The following PIK3CD variants were observed in gnomAD, a reference collection of about 807,000 sequenced individuals.
PIK3CD encodes the protein phosphatidylinositol-4,5-bisphosphate 3-kinase catalytic subunit delta.
A neutral mutation model predicts 122.9 loss-of-function variants in PIK3CD; 20 were observed. That is an observed-to-expected ratio of 0.16 (90% CI 0.11 to 0.24). The LOEUF is 0.24. Ranked by LOEUF, PIK3CD falls within the 10% of genes least tolerant of loss-of-function variation. The probability of loss-of-function intolerance (pLI) is 1.00; values close to 1 mark genes in which losing one functional copy is unlikely to be tolerated. For missense variants in PIK3CD, 787 were observed against 1,406.3 expected, an observed-to-expected ratio of 0.56 and a Z score of 7.04; for synonymous variants, 596 against 593.4, an observed-to-expected ratio of 1.00 and a Z score of -0.06.
chr1:9,638,775 A>G, the PIK3CD span, among the ~76,000 whole-genome samples: 1 of 141,216 alleles, frequency 7.1e-6, no homozygotes. Context: ...CCCTTTTGCA[A>G]GATTTTTTTT....
intron 1 of PIK3CD, among the ~76,000 whole-genome samples, chr1:9,676,668 G>C (rs1645550471): frequency 6.6e-6 from 1 of 152,194 alleles, no homozygotes; most frequent in South Asian, 2.1e-4. Flanking sequence ...GTGGTAAAGA[G>C]CAGGCTCCAG....
intron 5 of PIK3CD, 138 bp from the exon 6 acceptor site, chr1:9,716,302 T>C (rs1047106823): frequency 1.1e-6 from 1 of 913,668 alleles, no homozygotes; most frequent in South Asian, 1.4e-5. Context: ...GTTTGTTCAT[T>C]CTTTGAACAA....
intron 1 of PIK3CD, among the ~76,000 whole-genome samples, chr1:9,678,327 A>G (rs897251852): frequency 1.3e-5 from 2 of 151,348 alleles, no homozygotes; most frequent in Admixed American, 1.3e-4. Context: ...ATGGTGGCAC[A>G]CACCTCTAGT....
In PIK3CD at chr1:9,718,541, C is replaced by T. The variant is rs1252403884; in HGVS notation, c.1021-153C>T. Among the ~76,000 whole-genome samples, 3 of 152,068 alleles carry T rather than the reference C, an allele frequency of 2.0e-5. No individual in the cohort carries two copies. Among genetic ancestry groups the T allele is most frequent in the African/African-American group, 7.2e-5 (3 of 41,402 alleles). On this transcript the variant is annotated intron_variant, in intron 8 of 23. Transcript: ENST00000377346. This position sits in a 1 kb window ranked among gnomAD's most constrained non-coding sequence, Gnocchi z 7.2. The stretch of plus-strand genomic sequence containing the variant: ...TCACCCCAGGGCCGCTCATGCCCCT[C>T]AGGCCTTCCCTGTGCTGCACCACCT...
rs536543685 is a variant in PIK3CD at position 9,689,262 on chromosome 1, C to T, written c.-137-2205C>T. Among the ~76,000 whole-genome samples the T allele has an allele frequency of 1.1e-3, 173 of 152,312 alleles. 2 individuals carry two copies. Among genetic ancestry groups the T allele is most frequent in the African/African-American group, 4.0e-3 (168 of 41,576 alleles). On this transcript the variant is annotated intron_variant, in intron 1 of 23. Coordinates refer to ENST00000377346, the MANE Select transcript of PIK3CD (RefSeq NM_005026.5). The surrounding 1 kb of genome is among the most constrained non-coding windows in gnomAD (Gnocchi z 6.1). ...GCGTGCGCGCGCCGTCGGGGTCCCG[C>T]GGCTGCTCTGGGGCTCAGGGTGCGA...
rs1422827130 is a variant in PIK3CD, at chr1:9,724,471, G to C, written c.2864+50G>C. 6.2e-7 allele frequency: 1 copy of C among 1,608,092 alleles called. No homozygotes were observed. Reference sequence around the variant, plus strand: ...ATGCCCCTCGGTGTGGGGCCCCAGGGAACAGGGCAGAGGTTCCCAGGCAGG... The same window carrying C: ...ATGCCCCTCGGTGTGGGGCCCCAGGCAACAGGGCAGAGGTTCCCAGGCAGG... On this transcript the variant is annotated intron_variant, in intron 22 of 23. Coordinates refer to ENST00000377346, the MANE Select transcript of PIK3CD (RefSeq NM_005026.5). The surrounding 1 kb of genome is among the most constrained non-coding windows in gnomAD (Gnocchi z 7.3).
intron 2 of PIK3CD, among the ~76,000 whole-genome samples, chr1:9,694,490 C>T (rs553264624): frequency 2.6e-5 from 4 of 152,048 alleles, no homozygotes; most frequent in South Asian, 2.1e-4. Flanking sequence ...GCCAAGATCA[C>T]GCCACTGCAC....
chr1:9,657,124 C>T (rs1019074700), intron 1 of PIK3CD, among the ~76,000 whole-genome samples: 4 of 152,004 alleles, frequency 2.6e-5, no homozygotes, highest in Non-Finnish European at 5.9e-5. Context: ...TCTCTGCCTC[C>T]GTCTTCACAA....
chr1:9,630,256 G>A, the PIK3CD span, among the ~76,000 whole-genome samples: 72 of 152,376 alleles, frequency 4.7e-4, no homozygotes, highest in Middle Eastern at 3.4e-3. Flanking sequence ...CCCGGAGGCC[G>A]TCAGGCCTTG....
At chr1:9,627,658 T>A in the PIK3CD span, among the ~76,000 whole-genome samples, 1 of 152,266 alleles carries the variant, frequency 6.6e-6, no homozygotes, top group African/African-American at 2.4e-5. Flanking sequence ...TGATTCTAGT[T>A]CCCTGTGATG....
chr1:9,718,894 CAAG>C lies in PIK3CD; in HGVS notation c.1228_1230del (p.Lys410del), dbSNP rs1259321686. The C allele has an allele frequency of 5.6e-6, 9 of 1,612,830 alleles. No homozygotes were observed. The highest frequency in any genetic ancestry group is 3.3e-5 in the Admixed American group (2 of 59,986). On this transcript the variant is annotated inframe_deletion, in exon 9 of 24. Transcript: ENST00000377346. The surrounding 1 kb of genome is among the most constrained non-coding windows in gnomAD (Gnocchi z 7.2). ...AGAAAGCCAAGAAGGCTCGCTCCACCAAGAAGAAGTCCAAGAAGGCGGTGGGTC... is the reference window on the plus strand; with the variant it reads ...AGAAAGCCAAGAAGGCTCGCTCCACCAAGAAGTCCAAGAAGGCGGTGGGTC...
intron 1 of PIK3CD, among the ~76,000 whole-genome samples, chr1:9,659,676 T>TG (rs1644956367): frequency 6.6e-6 from 1 of 152,216 alleles, no homozygotes; most frequent in Non-Finnish European, 1.5e-5. Context: ...TTCTTGAAGC[T>TG]TAATCCGTGT....
chr1:9,659,853 C>T (rs1644961556), intron 1 of PIK3CD, among the ~76,000 whole-genome samples: 1 of 152,144 alleles, frequency 6.6e-6, no homozygotes, highest in Non-Finnish European at 1.5e-5. Flanking sequence ...CTGATTCAAG[C>T]AATTCTCCTG....
At chr1:9,648,555 C>A (rs1264302818), upstream of PIK3CD, among the ~76,000 whole-genome samples, 1 of 152,214 alleles carries the variant, frequency 6.6e-6, no homozygotes, top group Non-Finnish European at 1.5e-5. Flanking sequence ...CGTCAGAGTT[C>A]CTTCTGAAAC....
intron 1 of PIK3CD, chr1:9,653,195 C>T (rs1644732248): frequency 1.3e-5 from 2 of 154,854 alleles, no homozygotes; most frequent in African/African-American, 4.8e-5. Flanking sequence ...CAAGGGCTAA[C>T]CCCCTGCTCT....
chr1:9,687,305 G>T (rs1296839411), intron 1 of PIK3CD: 2 of 152,258 alleles, frequency 1.3e-5, no homozygotes, highest in Non-Finnish European at 2.9e-5. Context: ...AATCTCGTTG[G>T]TGTCCTAGCC....
intron 1 of PIK3CD, among the ~76,000 whole-genome samples, chr1:9,676,277 G>A (rs1645534165): frequency 6.6e-6 from 1 of 152,008 alleles, no homozygotes; most frequent in Non-Finnish European, 1.5e-5. Flanking sequence ...GTCTTGCTAA[G>A]TTGCCCAGGC....
At chr1:9,646,054 G>A in the PIK3CD span, among the ~76,000 whole-genome samples, 2 of 151,978 alleles carry the variant, frequency 1.3e-5, no homozygotes, top group Non-Finnish European at 2.9e-5. Flanking sequence ...TTACAGGCGG[G>A]AGCCACCGCA....
At position 9,726,605 on chromosome 1, in the gene PIK3CD, C is replaced by T. The variant is rs188632066; in HGVS notation, c.2998-304C>T. 1.9e-4 allele frequency among the ~76,000 whole-genome samples: 29 copies of T among 152,282 alleles called. 1 individual carries two copies. In the East Asian group the frequency reaches 5.4e-3, roughly 28 times the overall value. On this transcript the variant is annotated intron_variant, in intron 23 of 23. Coordinates refer to ENST00000377346, the MANE Select transcript of PIK3CD (RefSeq NM_005026.5). ...TGGGGCGGTGAGGCTGCTGGGGCCA[C>T]ACATGCTTGCCAGGACCTTCCCTCT...
Sources: gnomAD v4.1 joint callset for allele counts (sites outside exome capture counted in the v4.1 genomes callset) on GRCh38, gnomAD v4.1.1 for gene constraint, Gnocchi (gnomAD v3.1) non-coding constraint, MANE v1.5 for transcripts, NCBI Gene and HGNC (gene_info 2026-07-23, HGNC 2026-07-21) for gene names.